The following TFE3 variants were observed in gnomAD, a reference collection of about 807,000 sequenced individuals.
The protein encoded by TFE3 is transcription factor binding to IGHM enhancer 3, also known as transcription factor E3.
In TFE3, 5 loss-of-function variants were observed where a neutral mutation model predicts 35.0. That is an observed-to-expected ratio of 0.14 (90% CI 0.07 to 0.30). The LOEUF (loss-of-function observed/expected upper bound fraction) is 0.30, where lower values mean the gene tolerates loss of function less well. Ranked by LOEUF, TFE3 falls within the 10% of genes least tolerant of loss-of-function variation. The probability of loss-of-function intolerance (pLI) is 1.00; values close to 1 mark genes in which losing one functional copy is unlikely to be tolerated. For missense variants in TFE3, 374 were observed against 496.6 expected (o/e 0.75, Z 2.35); for synonymous variants, 211 against 215.6 (o/e 0.98, Z 0.18).
rs782711014 is a variant in TFE3, at chrX:49,038,185, G to A, written c.780+12C>T. The A allele has an allele frequency of 5.8e-6, 7 of 1,210,821 alleles. No individual in the cohort carries two copies. Among genetic ancestry groups the A allele is most frequent in the African/African-American group, 1.7e-5 (1 of 57,478 alleles). ...GGGGAATGTGGGAGGAGGTTTGGCT[G>A]TAGCCTCTTACCTCCTTCTCTGAGC... On this transcript the variant is annotated intron_variant, in intron 4 of 9. Transcript: ENST00000315869.
At chrX:49,034,079 C>A (rs782521367) in intron 6 of TFE3, 55 bp downstream of exon 6, 16 of 1,033,255 alleles carry the variant, frequency 1.5e-5, no homozygotes, top group Admixed American at 4.4e-5. Flanking sequence ...CTGGTAGGCA[C>A]AGGGCTCACC....
At chrX:49,033,891 A>G (rs2064713795) in intron 6 of TFE3, 109 bp from the exon 7 acceptor site, 1 of 900,212 alleles carries the variant, frequency 1.1e-6, no homozygotes, top group Non-Finnish European at 1.6e-6. Context: ...GCCTTTTTTA[A>G]AAAGTGCCTT....
chrX:49,036,466 C>A (rs868946511), intron 5 of TFE3, among the ~76,000 whole-genome samples: 78 of 57,782 alleles, frequency 1.3e-3, no homozygotes, highest in East Asian at 1.7e-3. Context: ...AACTCCATCT[C>A]AAAAAAAAAA....
In TFE3 at chrX:49,038,364, T is replaced by C; in HGVS notation, c.613A>G (p.Thr205Ala). The C allele has an allele frequency of 8.3e-7, 1 of 1,206,435 alleles. No individual in the cohort carries two copies. The highest frequency in any genetic ancestry group is 1.1e-6 in the Non-Finnish European group (1 of 894,220). ...GAAGCCAGCTTGGGCCCGAGTGTGGTGGACAGGTACTGTTTCACCTGCTGC... is the reference window on the plus strand; with the variant it reads ...GAAGCCAGCTTGGGCCCGAGTGTGGCGGACAGGTACTGTTTCACCTGCTGC... ...RRQQVKQYLS[T>A]TLGPKLASQA... Residue 205 changes from threonine (T) to alanine (A), a missense_variant, in exon 4 of 10, where the codon ACC becomes GCC. Coordinates refer to ENST00000315869, the MANE Select transcript of TFE3 (RefSeq NM_006521.6).
At chrX:49,036,765 G>A (rs782360972) in intron 5 of TFE3, among the ~76,000 whole-genome samples, 1 of 111,407 alleles carries the variant, frequency 9.0e-6, no homozygotes, top group Admixed American at 9.6e-5. Context: ...TAGCACCATT[G>A]CGCTCCAGCC....
At chrX:49,032,380 C>T (rs1269736487) in intron 8 of TFE3, among the ~76,000 whole-genome samples, 2 of 110,680 alleles carry the variant, frequency 1.8e-5, no homozygotes, top group African/African-American at 6.6e-5. Context: ...GATGACAGGC[C>T]TACGCCACCA....
chrX:49,037,403 A>G (rs1313063319), intron 5 of TFE3, among the ~76,000 whole-genome samples: 1 of 110,005 alleles, frequency 9.1e-6, no homozygotes, highest in Non-Finnish European at 1.9e-5. Context: ...TCAAGTTGCT[A>G]TAAGATGCTC....
intron 2 of TFE3, 133 bp from the exon 3 acceptor site, chrX:49,039,543 A>G: frequency 1.4e-6 from 1 of 721,853 alleles, no homozygotes; most frequent in Non-Finnish European, 1.9e-6. Flanking sequence ...ACAATGTAGA[A>G]GCAGAGACAC....
Position 49,038,437 on chromosome X carries a change from C to T in TFE3, c.540G>A (p.Gln180=). 2 of 1,199,168 alleles carry T rather than the reference C, an allele frequency of 1.7e-6. No individual in the cohort carries two copies. The highest frequency in any genetic ancestry group is 2.2e-6 in the Non-Finnish European group (2 of 893,422). ...AQVPREVLKV[Q]THLENPTRYH... is the part of the protein sequence containing the mutation. Reference sequence around the variant, plus strand: ...AGCGCGTTGGGTTCTCCAGATGGGTCTGCACCTGTGAAATAAGGTAGACAA... The same window carrying T: ...AGCGCGTTGGGTTCTCCAGATGGGTTTGCACCTGTGAAATAAGGTAGACAA... Residue 180 remains glutamine, a synonymous_variant, in exon 4 of 10, where the codon CAG becomes CAA. Coordinates refer to ENST00000315869, the MANE Select transcript of TFE3 (RefSeq NM_006521.6).
In TFE3 at chrX:49,029,921, T is replaced by A. The variant is rs782347207; in HGVS notation, c.*237A>T. The A allele has an allele frequency of 2.9e-5, 15 of 509,517 alleles. No homozygotes were observed. The highest frequency in any genetic ancestry group is 5.3e-5 in the Non-Finnish European group (15 of 282,088). 42.0% of individuals were successfully genotyped at this position (509,517 alleles called of 1,213,427 possible). ...GGCAGGCCCTGATCTCATGTCCTTC[T>A]CCAGCCTTCTCCTTCTGAAATACCT... On this transcript the variant is annotated 3_prime_UTR_variant, in exon 10 of 10. Transcript: ENST00000315869.
rs1355463035 is a variant in TFE3 at position 49,029,989 on chromosome X, ACTC to A, written c.*166_*168del. 2.2e-5 allele frequency: 12 copies of A among 544,510 alleles called. No individual in the cohort carries two copies. The highest frequency in any genetic ancestry group is 3.0e-5 in the Non-Finnish European group (10 of 328,695). 44.9% of individuals were successfully genotyped at this position (544,510 alleles called of 1,213,427 possible). A position where few individuals can be genotyped will look rare whatever the true frequency, so the allele number is the denominator to read the frequency against. On this transcript the variant is annotated 3_prime_UTR_variant, in exon 10 of 10. Transcript: ENST00000315869. ...TGGGGAAGGTGCAGGGCCTCATCTG[ACTC>A]CTCCTCCTTGCCTGATTACAGGGGT...
intron 1 of TFE3, among the ~76,000 whole-genome samples, chrX:49,040,936 CTT>C (rs201030170): frequency 4.6e-4 from 45 of 97,928 alleles, no homozygotes; most frequent in African/African-American, 1.4e-3. Context: ...ATACCCCCTA[CTT>C]TTTTTTTTTT....
Position 49,029,636 on chromosome X carries a change from G to A in TFE3, c.*522C>T, listed in dbSNP as rs1462483375. The A allele has an allele frequency of 7.4e-6, 3 of 406,997 alleles. No homozygotes were observed. The highest frequency in any genetic ancestry group is 1.4e-5 in the Non-Finnish European group (3 of 211,162). The allele number at this position is 406,997 out of a possible 1,213,427, so 33.5% of individuals were successfully genotyped here. ...TCTGTTCCTTGCCTGGGCAGAGCAG[G>A]GCAGGGTTCATGGGGAAGGGGCAGA... On this transcript the variant is annotated 3_prime_UTR_variant, in exon 10 of 10. Coordinates refer to ENST00000315869, the MANE Select transcript of TFE3 (RefSeq NM_006521.6).
intron 2 of TFE3, chrX:49,039,690 A>C (rs2064749979): frequency 3.5e-6 from 1 of 284,550 alleles, no homozygotes. Flanking sequence ...TATTAAGTGG[A>C]GATGCTATTG....
At chrX:49,041,395 T>G (rs2064759897) in intron 1 of TFE3, among the ~76,000 whole-genome samples, 1 of 111,835 alleles carries the variant, frequency 8.9e-6, no homozygotes, top group African/African-American at 3.3e-5. Context: ...GACGTAAAGA[T>G]CTACCATTTC....
Position 49,040,551 on chromosome X carries a change from G to A in TFE3, c.134C>T (p.Pro45Leu). ...AQLLSLNSLLPESGIVADIEL... is the reference protein window; with the variant it reads ...AQLLSLNSLLLESGIVADIEL... ...TATGTCAGCAACAATCCCGGATTCC[G>A]GAAGCAAAGAGTTCAGGCTGAGGGG... is the stretch of plus-strand genomic sequence containing the variant. Residue 45 changes from proline to leucine, a missense_variant, in exon 2 of 10, where the codon CCG (proline) becomes CTG (leucine). Coordinates refer to ENST00000315869, the MANE Select transcript of TFE3 (RefSeq NM_006521.6). The A allele has an allele frequency of 1.7e-6, 2 of 1,208,268 alleles. No individual in the cohort carries two copies.
chrX:49,041,019 G>T (rs2064758074), intron 1 of TFE3, among the ~76,000 whole-genome samples: 1 of 105,837 alleles, frequency 9.4e-6, no homozygotes, highest in Non-Finnish European at 1.9e-5. Flanking sequence ...TGCAAGCTCT[G>T]CCTCCTGGGT....
Position 49,039,243 on chromosome X carries a change from C to T in TFE3, c.398G>A (p.Arg133His). The T allele has an allele frequency of 2.5e-6, 3 of 1,206,239 alleles. No individual in the cohort carries two copies. Among genetic ancestry groups the T allele is most frequent in the Non-Finnish European group, 3.4e-6 (3 of 892,919 alleles). ...GGGAGCCGCGGCGGCCTGTTCCCGACGCTCACGCCTCTCCTGCTCCTGCGC... is the reference window on the plus strand; with the variant it reads ...GGGAGCCGCGGCGGCCTGTTCCCGATGCTCACGCCTCTCCTGCTCCTGCGC... ...AQAQEQERRE[R>H]REQAAAAPFP... is the part of the protein sequence containing the mutation. Residue 133 changes from arginine to histidine, a missense_variant, in exon 3 of 10, where the codon CGT (arginine) becomes CAT (histidine). Around this residue, in one of 3 missense-constraint regions of TFE3, gnomAD observed 167 missense variants for 297.2 expected, o/e 0.56. Coordinates refer to ENST00000315869, the MANE Select transcript of TFE3 (RefSeq NM_006521.6).
intron 2 of TFE3, 111 bp downstream of exon 2, chrX:49,040,344 G>T: frequency 5.5e-6 from 3 of 547,517 alleles, no homozygotes; most frequent in Non-Finnish European, 9.1e-6. Flanking sequence ...CCTAGAAAAC[G>T]CAGGCTGGTG....
Sources: allele counts gnomAD v4.1 joint callset (sites outside exome capture counted in the v4.1 genomes callset), GRCh38; gene constraint gnomAD v4.1.1; regional missense constraint gnomAD v4.1.1; transcripts MANE v1.5; gene names NCBI Gene and HGNC (gene_info 2026-07-23, HGNC 2026-07-21).